MLLT3: variants seen among roughly 807,000 people sequenced by gnomAD.
MLLT3 encodes the protein protein AF-9.
A neutral mutation model predicts 53.2 loss-of-function variants in MLLT3; 4 were observed. The observed-to-expected ratio is 0.08, with a 90% CI of 0.04 to 0.17. The LOEUF (loss-of-function observed/expected upper bound fraction) is 0.17. Among genes scored for constraint, MLLT3 ranks in the 10% least tolerant of loss-of-function variants. The probability of loss-of-function intolerance (pLI) is 1.00; values close to 1 mark genes in which losing one functional copy is unlikely to be tolerated. For synonymous variants in MLLT3, 283 were observed against 230.6 expected (o/e 1.23, Z -2.06); for missense variants, 569 against 684.0 (o/e 0.83, Z 1.87).
chr9:20,496,373 T>C (rs1018493149), intron 2 of MLLT3, among the ~76,000 whole-genome samples: 8 of 152,168 alleles, frequency 5.3e-5, no homozygotes, highest in Non-Finnish European at 7.4e-5. Flanking sequence ...ATTGTTTATA[T>C]TGTAATCAGC....
intron 5 of MLLT3, among the ~76,000 whole-genome samples, chr9:20,370,205 T>G (rs142169686): frequency 6.2e-4 from 95 of 152,326 alleles, no homozygotes; most frequent in African/African-American, 2.1e-3. Context: ...TGTCTCTGCA[T>G]CACATATTGG....
intron 2 of MLLT3, among the ~76,000 whole-genome samples, chr9:20,587,863 A>G (rs1484022906): frequency 1.3e-5 from 2 of 152,106 alleles, no homozygotes; most frequent in Non-Finnish European, 2.9e-5. Context: ...CCATTTGTCA[A>G]TTTTGGCTTT....
chr9:20,424,010 A>G (rs1823081494), intron 4 of MLLT3, among the ~76,000 whole-genome samples: 1 of 152,178 alleles, frequency 6.6e-6, no homozygotes, highest in African/African-American at 2.4e-5. Flanking sequence ...CTATTTACAT[A>G]GCACTTACAT....
chr9:20,468,769 AC>A (rs1189768909), intron 2 of MLLT3, among the ~76,000 whole-genome samples: 1 of 152,190 alleles, frequency 6.6e-6, no homozygotes, highest in African/African-American at 2.4e-5. Flanking sequence ...CAAAGGACCG[AC>A]GTCATATATG....
At chr9:20,586,166 T>C (rs1052992126) in intron 2 of MLLT3, among the ~76,000 whole-genome samples, 9 of 151,730 alleles carry the variant, frequency 5.9e-5, no homozygotes, top group Non-Finnish European at 8.8e-5. Flanking sequence ...AAAAAATGTT[T>C]TAAATTAGCC....
At chr9:20,405,711 AATTT>A (rs1394218407) in intron 5 of MLLT3, among the ~76,000 whole-genome samples, 4 of 152,324 alleles carry the variant, frequency 2.6e-5, no homozygotes, top group Middle Eastern at 3.4e-3. Flanking sequence ...TAACTGCAGG[AATTT>A]ATTTATGAGA....
chr9:20,405,940 C>G (rs916586078), intron 5 of MLLT3, among the ~76,000 whole-genome samples: 2 of 151,756 alleles, frequency 1.3e-5, no homozygotes, highest in African/African-American at 4.8e-5. Flanking sequence ...GGTGAAATCC[C>G]GCCTCTACTA....
At chr9:20,608,247 C>G (rs1229302960) in intron 2 of MLLT3, among the ~76,000 whole-genome samples, 1 of 151,804 alleles carries the variant, frequency 6.6e-6, no homozygotes, top group East Asian at 1.9e-4. Context: ...TATATCTAAG[C>G]AACATGATGA....
chr9:20,368,131 T>C (rs1006085853), intron 5 of MLLT3, among the ~76,000 whole-genome samples: 1 of 152,196 alleles, frequency 6.6e-6, no homozygotes, highest in African/African-American at 2.4e-5. Context: ...TGTTTGTGGG[T>C]CACAAAGAAA....
chr9:20,494,060 A>G (rs544473714), intron 2 of MLLT3, among the ~76,000 whole-genome samples: 7 of 152,244 alleles, frequency 4.6e-5, no homozygotes, highest in African/African-American at 1.7e-4. Flanking sequence ...GGAAGATGCA[A>G]TCAGTTCCTA....
intron 2 of MLLT3, among the ~76,000 whole-genome samples, chr9:20,504,150 C>T (rs755041190): frequency 1.3e-5 from 2 of 152,034 alleles, no homozygotes; most frequent in Non-Finnish European, 2.9e-5. Context: ...TTTAAGGTTC[C>T]TCAAAAATTA....
chr9:20,474,442 G>T (rs111643593), intron 2 of MLLT3, among the ~76,000 whole-genome samples: 5 of 152,092 alleles, frequency 3.3e-5, no homozygotes, highest in African/African-American at 9.6e-5. Flanking sequence ...TTACTCTCAA[G>T]GTATTGCTGT....
chr9:20,376,019 CA>C, intron 5 of MLLT3, among the ~76,000 whole-genome samples: 1 of 152,268 alleles, frequency 6.6e-6, no homozygotes, highest in East Asian at 1.9e-4. Flanking sequence ...ACAGTAAAAT[CA>C]TATATTTTAT....
chr9:20,360,809 C>A lies in MLLT3; in HGVS notation c.1364G>T (p.Ser455Ile). ...ATGTAGGGGTGAAGAAGCAGAACTG[C>A]TTTCACTATCGCTGCCATCACTTAA... ...VSLSDGSDSE[S>I]SSASSPLHHE... is the part of the protein sequence containing the mutation. Residue 455 changes from serine to isoleucine, a missense_variant, in exon 8 of 11, where the codon AGC (serine) becomes ATC (isoleucine). Physicochemically the swap from Ser to Ile is moderately radical, Grantham distance 142 (BLOSUM62 -2). Coordinates refer to ENST00000380338, the MANE Select transcript of MLLT3 (RefSeq NM_004529.4). 6.2e-7 allele frequency: 1 copy of A among 1,614,076 alleles called. No individual in the cohort carries two copies. Among genetic ancestry groups the A allele is most frequent in the Non-Finnish European group, 8.5e-7 (1 of 1,179,900 alleles).
intron 2 of MLLT3, among the ~76,000 whole-genome samples, chr9:20,484,998 T>A (rs947011649): frequency 1.3e-5 from 2 of 151,826 alleles, no homozygotes; most frequent in African/African-American, 4.8e-5. Context: ...TTTATTTATT[T>A]TTTTTTTTGA....
intron 2 of MLLT3, among the ~76,000 whole-genome samples, chr9:20,563,322 A>G (rs1819265758): frequency 6.6e-6 from 1 of 151,954 alleles, no homozygotes; most frequent in Admixed American, 6.6e-5. Context: ...CACTTGCTAT[A>G]ACAGGTGAAC....
Position 20,502,448 on chromosome 9 carries a change from G to A in MLLT3, c.194-45662C>T, listed in dbSNP as rs142767509. On this transcript the variant is annotated intron_variant, in intron 2 of 10. Coordinates refer to ENST00000380338, the MANE Select transcript of MLLT3 (RefSeq NM_004529.4). ...AGAGGTGAAAAAACTTGCAGACAAC[G>A]TGATCTTATACAGTTGCTTGTCTAT... The A allele has an allele frequency of 5.9e-3, 893 of 152,450 alleles. 2 individuals are homozygous for A. The highest frequency in any genetic ancestry group is 9.2e-3 in the Non-Finnish European group (627 of 68,192). The allele number at this position is 152,450 out of a possible 1,614,324, so 9.4% of individuals were successfully genotyped here.
intron 2 of MLLT3, among the ~76,000 whole-genome samples, chr9:20,499,308 A>G (rs1825159609): frequency 6.6e-6 from 1 of 152,188 alleles, no homozygotes; most frequent in Non-Finnish European, 1.5e-5. Flanking sequence ...AGGATTCAAC[A>G]TATATTTGGG....
intron 4 of MLLT3, among the ~76,000 whole-genome samples, chr9:20,422,733 T>C (rs757055410): frequency 6.6e-6 from 1 of 151,918 alleles, no homozygotes; most frequent in Non-Finnish European, 1.5e-5. Flanking sequence ...CATCTGGGAG[T>C]AGTGACATCT....
Sources: gnomAD v4.1 joint callset for allele counts (sites outside exome capture counted in the v4.1 genomes callset) on GRCh38, gnomAD v4.1.1 for gene constraint, MANE v1.5 for transcripts, NCBI Gene and HGNC (gene_info 2026-07-23, HGNC 2026-07-21) for gene names.